TSNARE1: variants seen among roughly 807,000 people sequenced by gnomAD.
TSNARE1 encodes t-SNARE domain containing 1, also known as t-SNARE domain-containing protein 1.
TSNARE1 carries 49 observed loss-of-function variants against 62.0 expected under a neutral mutation model. The ratio of observed to expected loss-of-function variants is 0.79; its 90% CI spans 0.63 to 1.00. The LOEUF (loss-of-function observed/expected upper bound fraction) is 1.00, where lower values mean the gene tolerates loss of function less well. TSNARE1 is among the 50% of genes least tolerant of loss of function. The pLI, the probability that TSNARE1 is intolerant of heterozygous loss-of-function variation, is 0.00. For missense variants in TSNARE1, 755 were observed against 700.1 expected, an observed-to-expected ratio of 1.08 and a Z score of -0.88; for synonymous variants, 328 against 294.4, an observed-to-expected ratio of 1.11 and a Z score of -1.17.
At chr8:142,272,298 A>C in intron 12 of TSNARE1, among the ~76,000 whole-genome samples, 2 of 116,046 alleles carry the variant, frequency 1.7e-5, no homozygotes. Context: ...CCGCCCATCT[A>C]CACCTTCCTC....
intron 12 of TSNARE1, chr8:142,274,000 AAG>A: frequency 1.0e-6 from 1 of 984,924 alleles, no homozygotes; most frequent in Non-Finnish European, 1.2e-6. Context: ...CTCCGCCCTC[AAG>A]AGTGTGTGCT....
intron 1 of TSNARE1, among the ~76,000 whole-genome samples, chr8:142,397,250 A>T (rs1837958477): frequency 6.8e-6 from 1 of 147,648 alleles, no homozygotes; most frequent in South Asian, 2.1e-4. Flanking sequence ...AGGCAGCCCG[A>T]GGGTCTCACA....
intron 6 of TSNARE1, chr8:142,326,126 A>G (rs1247573025): frequency 8.5e-5 from 14 of 164,578 alleles, no homozygotes; most frequent in African/African-American, 1.9e-4. Context: ...GGCCCCGGAG[A>G]CCACGAGACA....
chr8:142,371,172 CT>C (rs1432108965), intron 1 of TSNARE1, among the ~76,000 whole-genome samples: 1 of 152,222 alleles, frequency 6.6e-6, no homozygotes, highest in African/African-American at 2.4e-5. Context: ...CCTGAACAGC[CT>C]TGTATCTATT....
chr8:142,346,222 A>G (rs963883418), intron 2 of TSNARE1, among the ~76,000 whole-genome samples: 2 of 152,180 alleles, frequency 1.3e-5, no homozygotes, highest in African/African-American at 4.8e-5. Context: ...CAAAGTACAA[A>G]ATGGGAAGTG....
At chr8:142,217,527 G>A (rs1417164337) in intron 13 of TSNARE1, among the ~76,000 whole-genome samples, 2 of 152,214 alleles carry the variant, frequency 1.3e-5, no homozygotes, top group Non-Finnish European at 2.9e-5. Flanking sequence ...AGGTGGTCAT[G>A]GGCAGGGGTG....
At chr8:142,330,566 C>T (rs1387294894) in intron 6 of TSNARE1, among the ~76,000 whole-genome samples, 2 of 152,242 alleles carry the variant, frequency 1.3e-5, no homozygotes, top group African/African-American at 2.4e-5. Flanking sequence ...GACAAAGACA[C>T]ATTTGGAGCA....
intron 12 of TSNARE1, among the ~76,000 whole-genome samples, chr8:142,263,485 A>G (rs1818989985): frequency 6.6e-6 from 1 of 152,188 alleles, no homozygotes; most frequent in African/African-American, 2.4e-5. Flanking sequence ...ACTGGCCTCA[A>G]ACATCCCCTT....
intron 12 of TSNARE1, among the ~76,000 whole-genome samples, chr8:142,237,084 C>T (rs1051112079): frequency 1.2e-4 from 18 of 151,836 alleles, no homozygotes; most frequent in South Asian, 2.1e-4. Flanking sequence ...GCGGGGTGGG[C>T]GGGTAGCCTG....
Position 142,345,736 on chromosome 8 carries a change from G to A in TSNARE1, c.238+7C>T. ...GACCCCTGAGACCCAGCGTCTGAGT[G>A]AAGTACCTCGCTTCCTGGCCCTTGG... On this transcript the variant is annotated splice_region_variant and intron_variant, in intron 3 of 13. Coordinates refer to ENST00000524325, the MANE Select transcript of TSNARE1 (RefSeq NM_145003.5). 1 of 1,592,280 alleles carries A rather than the reference G, an allele frequency of 6.3e-7. No homozygotes were observed. Among genetic ancestry groups the A allele is most frequent in the Non-Finnish European group, 8.6e-7 (1 of 1,168,186 alleles).
At chr8:142,380,948 C>G (rs1330829295) in intron 1 of TSNARE1, among the ~76,000 whole-genome samples, 1 of 152,204 alleles carries the variant, frequency 6.6e-6, no homozygotes, top group African/African-American at 2.4e-5. Flanking sequence ...TCACCCCCCA[C>G]ACACACATGC....
rs77357653 is a variant in TSNARE1 at position 142,300,064 on chromosome 8, C to T, written c.1290+422G>A. 7.1e-4 allele frequency: 112 copies of T among 156,866 alleles called. 1 individual carries two copies. The East Asian group carries it at 0.014, about 20-fold the overall frequency. 9.7% of individuals were successfully genotyped at this position (156,866 alleles called of 1,614,324 possible). The stretch of plus-strand genomic sequence containing the variant: ...TGGTAGCACCACCAAATTGCAGGTT[C>T]GGTTCTGAGCAATTTATTCAACCTT... On this transcript the variant is annotated intron_variant, in intron 10 of 13. Coordinates refer to ENST00000524325, the MANE Select transcript of TSNARE1 (RefSeq NM_145003.5).
chr8:142,241,260 C>T (rs118155331), intron 12 of TSNARE1, among the ~76,000 whole-genome samples: 41 of 152,138 alleles, frequency 2.7e-4, no homozygotes, highest in Non-Finnish European at 4.6e-4. Flanking sequence ...AGAAAACAAC[C>T]CCATTTACAA....
intron 1 of TSNARE1, among the ~76,000 whole-genome samples, chr8:142,373,074 C>A (rs1488511009): frequency 6.6e-6 from 1 of 152,200 alleles, no homozygotes; most frequent in Non-Finnish European, 1.5e-5. Flanking sequence ...CTGCTGAGAC[C>A]CCTGAGTGGG....
At chr8:142,354,067 G>C (rs1038888687) in intron 2 of TSNARE1, among the ~76,000 whole-genome samples, 6 of 152,274 alleles carry the variant, frequency 3.9e-5, no homozygotes, top group East Asian at 1.9e-4. Flanking sequence ...GAGCAGGAGC[G>C]GGGGGTTACC....
chr8:142,280,225 C>T (rs1042264023), intron 11 of TSNARE1: 11 of 985,232 alleles, frequency 1.1e-5, no homozygotes, highest in African/African-American at 1.7e-5. Context: ...GGGGCCCGGC[C>T]GCAGGGGTGT....
At chr8:142,365,965 T>G (rs1835520415) in intron 1 of TSNARE1, 1 of 443,656 alleles carries the variant, frequency 2.3e-6, no homozygotes, top group Non-Finnish European at 4.5e-6. Context: ...CTGATGGTTT[T>G]GTAGAGGAAT....
intron 12 of TSNARE1, chr8:142,274,286 G>T: frequency 1.0e-6 from 1 of 985,444 alleles, no homozygotes; most frequent in Non-Finnish European, 1.2e-6. Context: ...GTGACCACAA[G>T]TCAGCAACAA....
At chr8:142,219,020 G>A (rs2129885441) in intron 13 of TSNARE1, among the ~76,000 whole-genome samples, 1 of 152,254 alleles carries the variant, frequency 6.6e-6, no homozygotes. Flanking sequence ...CTTCACCCCT[G>A]GGGATTCCTC....
Sources: allele counts gnomAD v4.1 joint callset (sites outside exome capture counted in the v4.1 genomes callset), GRCh38; gene constraint gnomAD v4.1.1; transcripts MANE v1.5; gene names NCBI Gene and HGNC (gene_info 2026-07-23, HGNC 2026-07-21).